Variants in COL11A1 observed in about 807,000 individuals in gnomAD.
COL11A1 encodes collagen alpha-1(XI) chain.
Under a neutral mutation model 265.2 loss-of-function variants are expected in COL11A1, and 74 were observed. That is an observed-to-expected ratio of 0.28 (90% CI 0.23 to 0.34). The LOEUF (loss-of-function observed/expected upper bound fraction) is 0.34. Among genes scored for constraint, COL11A1 ranks in the 10% least tolerant of loss-of-function variants. The probability of loss-of-function intolerance (pLI) is 1.00; values close to 1 mark genes in which losing one functional copy is unlikely to be tolerated. For synonymous variants in COL11A1, 816 were observed against 727.6 expected (o/e 1.12, Z -1.96); for missense variants, 2,165 against 2,263.6 (o/e 0.96, Z 0.88).
At chr1:103,030,630 A>C (rs12738133) in intron 5 of COL11A1, among the ~76,000 whole-genome samples, 11,998 of 151,894 alleles carry the variant, frequency 0.079, 525 homozygotes, top group Middle Eastern at 0.15. Flanking sequence ...CATGCTTTTA[A>C]ATTTTCCTAT....
intron 37 of COL11A1, among the ~76,000 whole-genome samples, chr1:102,967,310 G>C (rs1394608854): frequency 7.8e-6 from 1 of 127,978 alleles, no homozygotes; most frequent in Non-Finnish European, 1.6e-5. Context: ...GCGCGATCTC[G>C]GCTCACTGCA....
chr1:103,078,774 A>C lies in COL11A1; in HGVS notation c.372T>G (p.Ile124Met), dbSNP rs1381314285. ...FLLSIYNEHG[I>M]QQIGVEVGRS... ...TCCCAACCTCAACACCAATTTGCTG[A>C]ATACCATGCTCATTATATATAGATA... Residue 124 changes from isoleucine to methionine, a missense_variant, in exon 3 of 67, where the codon ATT becomes ATG. Ile to Met is a conservative substitution (Grantham distance 10). Transcript: ENST00000370096. 1 of 1,613,198 alleles carries C rather than the reference A, an allele frequency of 6.2e-7. No individual in the cohort carries two copies.
At chr1:102,951,924 G>A (rs1659927686) in intron 41 of COL11A1, among the ~76,000 whole-genome samples, 1 of 152,000 alleles carries the variant, frequency 6.6e-6, no homozygotes, top group Non-Finnish European at 1.5e-5. Flanking sequence ...TGATTGACAT[G>A]TTATATGAAA....
chr1:103,067,563 G>A (rs1671252906), intron 4 of COL11A1, among the ~76,000 whole-genome samples: 2 of 151,666 alleles, frequency 1.3e-5, no homozygotes, highest in Middle Eastern at 3.2e-3. Context: ...TATACTTTGA[G>A]AGGCTAGAGA....
rs1474805911 is a variant in COL11A1, at chr1:102,885,207, C to T, written c.4858+1600G>A. On this transcript the variant is annotated intron_variant, in intron 63 of 66. Transcript: ENST00000370096. ...TATCTTTCGAGCTTGAATCTGAAGG[C>T]GCCTATGTTATGTTGAACTATAATC... Among the ~76,000 whole-genome samples the T allele has an allele frequency of 3.3e-5, 5 of 152,016 alleles. No homozygotes were observed. In the South Asian group the frequency reaches 6.2e-4, roughly 19 times the overall value.
chr1:102,980,885 T>C (rs1277744874), intron 31 of COL11A1, among the ~76,000 whole-genome samples: 1 of 152,108 alleles, frequency 6.6e-6, no homozygotes, highest in Non-Finnish European at 1.5e-5. Context: ...CTTAGAAGTC[T>C]TGAAGCTGTA....
At chr1:102,966,281 GA>G in intron 37 of COL11A1, among the ~76,000 whole-genome samples, 1 of 152,200 alleles carries the variant, frequency 6.6e-6, no homozygotes, top group East Asian at 1.9e-4. Flanking sequence ...AACAGCTGGA[GA>G]AGTAGATAGA....
intron 21 of COL11A1, 150 bp from the exon 22 acceptor site, chr1:103,002,941 C>G (rs1267865443): frequency 1.2e-6 from 1 of 828,196 alleles, no homozygotes. Context: ...GAGACAAGAC[C>G]TATACTTTCT....
intron 18 of COL11A1, 35 bp from the exon 19 acceptor site, chr1:103,004,696 A>T: frequency 1.3e-6 from 2 of 1,551,864 alleles, no homozygotes; most frequent in Non-Finnish European, 1.8e-6. Flanking sequence ...TAGCATATGG[A>T]AAGAAGTAGA....
intron 4 of COL11A1, among the ~76,000 whole-genome samples, chr1:103,068,517 T>C (rs1671325371): frequency 6.6e-6 from 1 of 151,608 alleles, no homozygotes; most frequent in African/African-American, 2.4e-5. Context: ...CTGAATTATT[T>C]TCCACATGAG....
chr1:103,096,694 C>T (rs1392924088), intron 1 of COL11A1, among the ~76,000 whole-genome samples: 1 of 151,822 alleles, frequency 6.6e-6, no homozygotes, highest in South Asian at 2.1e-4. Flanking sequence ...GAATAATTTC[C>T]ACTGAAAGAG....
intron 25 of COL11A1, among the ~76,000 whole-genome samples, chr1:102,997,737 TATA>T (rs753210368): frequency 2.6e-5 from 4 of 152,002 alleles, no homozygotes; most frequent in Admixed American, 1.3e-4. Flanking sequence ...AATGTTTTAA[TATA>T]ATAACTGTAG....
At chr1:102,978,000 A>C (rs934864463) in intron 35 of COL11A1, among the ~76,000 whole-genome samples, 9 of 152,148 alleles carry the variant, frequency 5.9e-5, no homozygotes, top group Non-Finnish European at 1.3e-4. Context: ...TCAAATCATA[A>C]TATACAAAAA....
intron 24 of COL11A1, among the ~76,000 whole-genome samples, chr1:102,999,950 G>A (rs1428417226): frequency 6.6e-6 from 1 of 151,670 alleles, no homozygotes; most frequent in Admixed American, 6.6e-5. Flanking sequence ...TCCTTTTGAT[G>A]GTAAGAGATT....
Position 103,034,719 on chromosome 1 carries a change from T to C in COL11A1, c.652-3475A>G, listed in dbSNP as rs74575747. 1.4e-3 allele frequency among the ~76,000 whole-genome samples: 206 copies of C among 152,178 alleles called. 2 individuals are homozygous for C. Among genetic ancestry groups the C allele is most frequent in the African/African-American group, 4.8e-3 (201 of 41,554 alleles). On this transcript the variant is annotated intron_variant, in intron 4 of 66. Coordinates refer to ENST00000370096, the MANE Select transcript of COL11A1 (RefSeq NM_001854.4). ...CAAGGACAGATCCTCTTAACTGTTT[T>C]GCTTTGCTTTTTACTTTGTATGGCA... is the stretch of plus-strand genomic sequence containing the variant.
At chr1:102,897,148 T>G (rs530384338) in intron 57 of COL11A1, among the ~76,000 whole-genome samples, 1 of 152,110 alleles carries the variant, frequency 6.6e-6, no homozygotes, top group South Asian at 2.1e-4. Context: ...TAGGTATGCT[T>G]TGCATACCAA....
At chr1:103,090,820 C>G (rs1018293055) in intron 1 of COL11A1, among the ~76,000 whole-genome samples, 2 of 152,114 alleles carry the variant, frequency 1.3e-5, no homozygotes, top group Admixed American at 1.3e-4. Context: ...TTCCTGTTAT[C>G]TGCTTCCTCA....
intron 26 of COL11A1, 31 bp from the exon 27 acceptor site, chr1:102,996,073 T>A (rs754474097): frequency 2.5e-6 from 4 of 1,605,180 alleles, no homozygotes; most frequent in Admixed American, 3.3e-5. Flanking sequence ...CTTATACGTG[T>A]AATAAATTGA....
At chr1:102,981,212 T>G (rs966205490) in intron 31 of COL11A1, among the ~76,000 whole-genome samples, 1 of 152,096 alleles carries the variant, frequency 6.6e-6, no homozygotes, top group African/African-American at 2.4e-5. Flanking sequence ...AGAACAATTA[T>G]TAGGATGTGT....
Sources: allele counts gnomAD v4.1 joint callset (sites outside exome capture counted in the v4.1 genomes callset), GRCh38; gene constraint gnomAD v4.1.1; transcripts MANE v1.5; gene names NCBI Gene and HGNC (gene_info 2026-07-23, HGNC 2026-07-21).